The following FNBP1 variants were observed in gnomAD, a reference collection of about 807,000 sequenced individuals.
FNBP1 encodes formin-binding protein 1.
FNBP1 carries 26 observed loss-of-function variants against 90.6 expected under a neutral mutation model. The observed-to-expected ratio is 0.29, with a 90% CI of 0.21 to 0.40. The LOEUF (loss-of-function observed/expected upper bound fraction) is 0.40. Among genes scored for constraint, FNBP1 ranks in the 10% least tolerant of loss-of-function variants. The pLI is 1.00. For missense variants in FNBP1, 635 were observed against 768.0 expected (o/e 0.83, Z 2.05); for synonymous variants, 260 against 265.2 (o/e 0.98, Z 0.19).
intron 1 of FNBP1, among the ~76,000 whole-genome samples, chr9:130,017,650 C>T (rs532838785): frequency 2.0e-5 from 3 of 151,822 alleles, no homozygotes; most frequent in African/African-American, 4.8e-5. Flanking sequence ...GCCAACATCG[C>T]GAAACCCAGT....
chr9:129,900,427 T>A lies in FNBP1; in HGVS notation c.1549A>T (p.Ser517Cys). 6.3e-7 allele frequency: 1 copy of A among 1,584,486 alleles called. No individual in the cohort carries two copies. Among genetic ancestry groups the A allele is most frequent in the East Asian group, 2.3e-5 (1 of 43,202 alleles). Residue 517 changes from serine to cysteine, a missense_variant and splice_region_variant, in exon 14 of 17, where the codon AGC becomes TGC. Ser to Cys is a moderately radical substitution (Grantham distance 112). Transcript: ENST00000446176. The surrounding 1 kb of genome is among the most constrained non-coding windows in gnomAD (Gnocchi z 4.1). ...TVNNCAQDRE[S>C]PDGSYTEEQS... is the part of the protein sequence containing the mutation. ...GCAGGCGCTGTGCAGATACTGTACC[T>A]CTCACGGTCCTGGGCGCAGTTGTTG...
In FNBP1 at chr9:129,890,991, T is replaced by C. The variant is rs2035048591; in HGVS notation, c.1847-445A>G. 6.6e-6 allele frequency among the ~76,000 whole-genome samples: 1 copy of C among 151,396 alleles called. No homozygotes were observed. The highest frequency in any genetic ancestry group is 2.4e-5 in the African/African-American group (1 of 41,132). On this transcript the variant is annotated intron_variant, in intron 16 of 16. Transcript: ENST00000446176. The surrounding 1 kb of genome is among the most constrained non-coding windows in gnomAD (Gnocchi z 5.8). Reference sequence around the variant, plus strand: ...CTAACATGGTGAAAACCCATCTCTATTAAAAATACAACAATTAGCCTGGCG... The same window carrying C: ...CTAACATGGTGAAAACCCATCTCTACTAAAAATACAACAATTAGCCTGGCG...
chr9:129,913,907 G>A (rs751604365), intron 11 of FNBP1, among the ~76,000 whole-genome samples: 1 of 151,050 alleles, frequency 6.6e-6, no homozygotes, highest in Non-Finnish European at 1.5e-5. Flanking sequence ...TTGAGACAGG[G>A]TTTCATTCTA....
rs1461208476 is a variant in FNBP1, at chr9:129,890,938, C to T, written c.1847-392G>A. Among the ~76,000 whole-genome samples the T allele has an allele frequency of 2.0e-5, 3 of 151,878 alleles. No homozygotes were observed. Among genetic ancestry groups the T allele is most frequent in the Non-Finnish European group, 2.9e-5 (2 of 67,964 alleles). ...TTGGGAGCCTGAGGCAGGCAGATCA[C>T]GAGGTCAGGAGTTCAAGACCAGCCT... On this transcript the variant is annotated intron_variant, in intron 16 of 16. Transcript: ENST00000446176. This position sits in a 1 kb window ranked among gnomAD's most constrained non-coding sequence, Gnocchi z 5.8.
intron 6 of FNBP1, among the ~76,000 whole-genome samples, chr9:129,956,708 G>T (rs1168788340): frequency 6.6e-6 from 1 of 152,116 alleles, no homozygotes; most frequent in Non-Finnish European, 1.5e-5. Context: ...TCTTCCAGAT[G>T]GCCCTGTCCT....
intron 6 of FNBP1, among the ~76,000 whole-genome samples, chr9:129,934,851 GGATTACAGATGT>G (rs1564371231): frequency 6.6e-6 from 1 of 152,010 alleles, no homozygotes; most frequent in African/African-American, 2.4e-5. Context: ...CAAAGTGTTG[GGATTACAGATGT>G]GAGCCACCAC....
chr9:129,962,237 G>A (rs2047944682), intron 4 of FNBP1, among the ~76,000 whole-genome samples: 1 of 152,198 alleles, frequency 6.6e-6, no homozygotes, highest in Non-Finnish European at 1.5e-5. Context: ...AGGCCTGGGG[G>A]CAACATCAGC....
chr9:130,005,889 C>A (rs1281378593), intron 1 of FNBP1, among the ~76,000 whole-genome samples: 1 of 152,152 alleles, frequency 6.6e-6, no homozygotes, highest in East Asian at 1.9e-4. Flanking sequence ...GGAGTAGATG[C>A]AGATTCCACA....
At chr9:129,997,185 G>A (rs933333370) in intron 1 of FNBP1, among the ~76,000 whole-genome samples, 12 of 152,068 alleles carry the variant, frequency 7.9e-5, no homozygotes, top group Admixed American at 2.0e-4. Context: ...GTAGCCGGGC[G>A]TCATGGCAGG....
chr9:129,914,926 A>G, intron 11 of FNBP1: 1 of 474,864 alleles, frequency 2.1e-6, no homozygotes, highest in South Asian at 1.6e-5. Flanking sequence ...TGAGAAGACT[A>G]TGAAACTATT....
In FNBP1 at chr9:129,976,383, C is replaced by T. The variant is rs77803554; in HGVS notation, c.345+2082G>A. 6.4e-3 allele frequency among the ~76,000 whole-genome samples: 967 copies of T among 152,236 alleles called. 3 individuals are homozygous for T. The highest frequency in any genetic ancestry group is 0.013 in the East Asian group (66 of 5,190). On this transcript the variant is annotated intron_variant, in intron 4 of 16. Coordinates refer to ENST00000446176, the MANE Select transcript of FNBP1 (RefSeq NM_015033.3). Reference sequence around the variant, plus strand: ...TGGCTGGAGTAGGGAGTAAAACTGTCCCTAGTTGAGAACCACTGTGCTAAT... The same window carrying T: ...TGGCTGGAGTAGGGAGTAAAACTGTTCCTAGTTGAGAACCACTGTGCTAAT...
intron 1 of FNBP1, among the ~76,000 whole-genome samples, chr9:130,040,861 C>T (rs2059759580): frequency 6.6e-6 from 1 of 151,998 alleles, no homozygotes; most frequent in Non-Finnish European, 1.5e-5. Flanking sequence ...CATTTGGCTT[C>T]AATAATGGCC....
At chr9:130,053,555 G>A in the FNBP1 span, 1 of 270,690 alleles carries the variant, frequency 3.7e-6, no homozygotes, top group Non-Finnish European at 7.1e-6. Flanking sequence ...TCAATCAGTG[G>A]CCCGACACCG....
At chr9:130,014,271 A>C (rs1477957501) in intron 1 of FNBP1, among the ~76,000 whole-genome samples, 1 of 139,116 alleles carries the variant, frequency 7.2e-6, no homozygotes. Context: ...TTTCTTTTTG[A>C]GACGGAGTCT....
upstream of FNBP1, chr9:130,044,676 C>T (rs916445560): frequency 3.9e-5 from 6 of 152,280 alleles, no homozygotes; most frequent in African/African-American, 1.4e-4. Context: ...TGGCTCACGC[C>T]TGTAATCCCA....
chr9:130,004,286 A>T (rs1229968663), intron 1 of FNBP1, among the ~76,000 whole-genome samples: 1 of 152,076 alleles, frequency 6.6e-6, no homozygotes, highest in Non-Finnish European at 1.5e-5. Context: ...AGTGTACTAA[A>T]CCAACATTAA....
intron 1 of FNBP1, among the ~76,000 whole-genome samples, chr9:130,002,502 G>C (rs2055014307): frequency 6.6e-6 from 1 of 152,058 alleles, no homozygotes; most frequent in African/African-American, 2.4e-5. Flanking sequence ...GTTAGAAAGA[G>C]CCCAGCACCT....
upstream of FNBP1, among the ~76,000 whole-genome samples, chr9:130,046,580 CAAAAAAAA>C (rs56392821): frequency 1.3e-4 from 9 of 66,794 alleles, no homozygotes; most frequent in Admixed American, 4.6e-4. Flanking sequence ...ACTAAAAATA[CAAAAAAAA>C]AAAAAAAAAA....
Position 130,031,076 on chromosome 9 carries a change from C to T in FNBP1, c.24+11876G>A, listed in dbSNP as rs986824708. The stretch of plus-strand genomic sequence containing the variant: ...AGTGGGAGGAGGCAGAGGGTGGCTC[C>T]TAGGCCTTCTTTGTTCACTACTAGG... On this transcript the variant is annotated intron_variant, in intron 1 of 16. Transcript: ENST00000446176. This position sits in a 1 kb window ranked among gnomAD's most constrained non-coding sequence, Gnocchi z 4.2. 1.3e-5 allele frequency among the ~76,000 whole-genome samples: 2 copies of T among 152,118 alleles called. No homozygotes were observed. Among genetic ancestry groups the T allele is most frequent in the African/African-American group, 4.8e-5 (2 of 41,440 alleles).
Sources: allele counts gnomAD v4.1 joint callset (sites outside exome capture counted in the v4.1 genomes callset), GRCh38; gene constraint gnomAD v4.1.1; non-coding constraint Gnocchi (gnomAD v3.1); transcripts MANE v1.5; gene names NCBI Gene and HGNC (gene_info 2026-07-23, HGNC 2026-07-21).